The following ADAM7 variants were observed in gnomAD, a reference collection of about 807,000 sequenced individuals.
The protein encoded by ADAM7 is disintegrin and metalloproteinase domain-containing protein 7.
A neutral mutation model predicts 102.9 loss-of-function variants in ADAM7; 97 were observed. That is an observed-to-expected ratio of 0.94 (90% CI 0.80 to 1.12). The LOEUF is 1.12. Ranked by LOEUF, ADAM7 falls within the 50% of genes most tolerant of loss-of-function variation. The pLI is 0.00. For missense variants in ADAM7, 991 were observed against 908.7 expected, an observed-to-expected ratio of 1.09 and a Z score of -1.16; for synonymous variants, 334 against 304.4, an observed-to-expected ratio of 1.10 and a Z score of -1.01.
Position 24,499,420 on chromosome 8 carries a change from T to G in ADAM7, c.1923+104T>G. 5.0e-6 allele frequency: 4 copies of G among 807,308 alleles called. No homozygotes were observed. In the South Asian group the frequency reaches 1.3e-4, roughly 27 times the overall value. The allele number at this position is 807,308 out of a possible 1,614,324, so 50.0% of individuals were successfully genotyped here. Reference sequence around the variant, plus strand: ...TATGTATGTATATATGTATTTTTGCTGCTTTCTAAATCAAATATATATTTG... The same window carrying G: ...TATGTATGTATATATGTATTTTTGCGGCTTTCTAAATCAAATATATATTTG... On this transcript the variant is annotated intron_variant, in intron 17 of 21. Coordinates refer to ENST00000175238, the MANE Select transcript of ADAM7 (RefSeq NM_003817.4).
At chr8:24,499,631 A>G (rs562421262) in intron 17 of ADAM7, among the ~76,000 whole-genome samples, 7 of 152,268 alleles carry the variant, frequency 4.6e-5, no homozygotes, top group African/African-American at 1.4e-4. Flanking sequence ...ATTGCAACAT[A>G]TCTTATAGTT....
At chr8:24,486,680 T>C (rs1820155585) in intron 10 of ADAM7, among the ~76,000 whole-genome samples, 1 of 152,170 alleles carries the variant, frequency 6.6e-6, no homozygotes, top group African/African-American at 2.4e-5. Context: ...GTTGACACCT[T>C]CTTGCTGTGT....
chr8:24,505,861 C>G (rs189316828), intron 20 of ADAM7, among the ~76,000 whole-genome samples: 1 of 152,102 alleles, frequency 6.6e-6, no homozygotes, highest in Non-Finnish European at 1.5e-5. Context: ...TTCAGGCATA[C>G]AGTCAATTAG....
intron 8 of ADAM7, among the ~76,000 whole-genome samples, chr8:24,477,569 A>AGTGTGTGAGTGTGTGTGTGTGTGTGT (rs60219377): frequency 2.9e-4 from 42 of 145,676 alleles, no homozygotes; most frequent in East Asian, 6.1e-4. Flanking sequence ...TACCCTCATC[A>AGTGTGTGAGTGTGTGTGTGTGTGTGT]GTGTGTGTGT....
At position 24,463,912 on chromosome 8, in the gene ADAM7, A is replaced by G. The variant is rs1209243451; in HGVS notation, c.264A>G (p.Thr88=). 4 of 1,613,778 alleles carry G rather than the reference A, an allele frequency of 2.5e-6. No homozygotes were observed. Among genetic ancestry groups the G allele is most frequent in the Non-Finnish European group, 2.5e-6 (3 of 1,179,894 alleles). The change falls in exon 4 of 22, where the codon ACA becomes ACG. Residue 88 remains threonine, a synonymous_variant. Transcript: ENST00000175238. The part of the protein sequence containing the change: ...REFLGSNYSE[T]FYSMKGEAFT... ...TCCTAGGCTCAAATTACAGTGAAACATTCTACTCCATGAAAGGAGAAGCGT... is the reference window on the plus strand; with the variant it reads ...TCCTAGGCTCAAATTACAGTGAAACGTTCTACTCCATGAAAGGAGAAGCGT...
chr8:24,487,283 C>A lies in ADAM7; in HGVS notation c.1057C>A (p.Pro353Thr). Residue 353 changes from proline (P) to threonine (T), a missense_variant, in exon 11 of 22, where the codon CCT becomes ACT. Physicochemically the swap from Pro to Thr is conservative, Grantham distance 38. Coordinates refer to ENST00000175238, the MANE Select transcript of ADAM7 (RefSeq NM_003817.4). ...MQHDEFPCTC[P>T]SGKCVMDSDG... The stretch of plus-strand genomic sequence containing the variant: ...GCATGACGAGTTCCCATGCACCTGT[C>A]CTTCAGGAAAATGCGTGATGGACAG... The A allele has an allele frequency of 6.2e-7, 1 of 1,613,746 alleles. No homozygotes were observed. The highest frequency in any genetic ancestry group is 8.5e-7 in the Non-Finnish European group (1 of 1,179,806).
At chr8:24,455,068 C>T (rs938614167) in intron 3 of ADAM7, among the ~76,000 whole-genome samples, 20 of 151,938 alleles carry the variant, frequency 1.3e-4, no homozygotes, top group African/African-American at 4.6e-4. Context: ...TTTATATATG[C>T]TATTTCAAAA....
In ADAM7 at chr8:24,465,780, T is replaced by C. The variant is rs373413048; in HGVS notation, c.389+5T>C. On this transcript the variant is annotated splice_donor_5th_base_variant and intron_variant, in intron 5 of 21. Coordinates refer to ENST00000175238, the MANE Select transcript of ADAM7 (RefSeq NM_003817.4). Reference sequence around the variant, plus strand: ...CAGTACGTGTAATGGTCTAAGGTAATGCAGAATATCTTTCTTTTTCCTTTA... The same window carrying C: ...CAGTACGTGTAATGGTCTAAGGTAACGCAGAATATCTTTCTTTTTCCTTTA... 230 of 1,581,988 alleles carry C rather than the reference T, an allele frequency of 1.5e-4. 1 individual carries two copies. Among genetic ancestry groups the C allele is most frequent in the Non-Finnish European group, 1.2e-4 (142 of 1,163,242 alleles).
At chr8:24,482,340 C>T (rs147421261) in intron 9 of ADAM7, 29 bp downstream of exon 9, 1 of 1,571,144 alleles carries the variant, frequency 6.4e-7, no homozygotes, top group African/African-American at 1.4e-5. Flanking sequence ...TTCTTGCATA[C>T]CTTTGGTGGA....
At chr8:24,483,387 G>A (rs1820026688) in intron 9 of ADAM7, among the ~76,000 whole-genome samples, 1 of 152,140 alleles carries the variant, frequency 6.6e-6, no homozygotes, top group Non-Finnish European at 1.5e-5. Context: ...TAAAGCTACT[G>A]TATTAAAATA....
intron 8 of ADAM7, among the ~76,000 whole-genome samples, chr8:24,481,091 CAAACA>C (rs1414786177): frequency 6.6e-6 from 1 of 150,984 alleles, no homozygotes; most frequent in Non-Finnish European, 1.5e-5. Context: ...AACAAACAAA[CAAACA>C]ATTCAGGGCC....
intron 3 of ADAM7, among the ~76,000 whole-genome samples, chr8:24,455,719 C>T (rs1324835006): frequency 6.6e-6 from 1 of 152,200 alleles, no homozygotes; most frequent in African/African-American, 2.4e-5. Context: ...TATAGGTTTA[C>T]ACTGAATTTT....
chr8:24,456,792 CT>C (rs1316144794), intron 3 of ADAM7, among the ~76,000 whole-genome samples: 1 of 152,078 alleles, frequency 6.6e-6, no homozygotes, highest in Non-Finnish European at 1.5e-5. Context: ...GGTTTGCTTT[CT>C]TTATTTTCTT....
intron 8 of ADAM7, among the ~76,000 whole-genome samples, chr8:24,478,715 T>C (rs1042978118): frequency 6.6e-6 from 1 of 152,196 alleles, no homozygotes; most frequent in Admixed American, 6.5e-5. Context: ...AATTTCAACA[T>C]GTGGGTCATC....
chr8:24,453,932 C>T (rs976880292), intron 3 of ADAM7, among the ~76,000 whole-genome samples: 5 of 152,230 alleles, frequency 3.3e-5, no homozygotes, highest in Non-Finnish European at 7.3e-5. Context: ...ACCTGTTTGC[C>T]TGGGTATCCG....
chr8:24,457,333 T>G (rs921300858), intron 3 of ADAM7, among the ~76,000 whole-genome samples: 7 of 152,090 alleles, frequency 4.6e-5, no homozygotes, highest in African/African-American at 1.7e-4. Context: ...TGGAGTAGAG[T>G]GGCACGATCT....
intron 3 of ADAM7, among the ~76,000 whole-genome samples, chr8:24,455,349 C>G (rs374262511): frequency 6.6e-6 from 1 of 152,152 alleles, no homozygotes; most frequent in East Asian, 1.9e-4. Flanking sequence ...ATATTACAGA[C>G]ATCAGTTTAC....
intron 16 of ADAM7, among the ~76,000 whole-genome samples, chr8:24,495,195 T>C (rs915595164): frequency 1.3e-5 from 2 of 152,296 alleles, no homozygotes; most frequent in East Asian, 3.9e-4. Context: ...TAAGATCCTA[T>C]AGCTCATAGT....
rs577669133 is a variant in ADAM7, at chr8:24,506,036, T to C, written c.2209-1444T>C. On this transcript the variant is annotated intron_variant, in intron 20 of 21. Coordinates refer to ENST00000175238, the MANE Select transcript of ADAM7 (RefSeq NM_003817.4). ...CACAAGAATATTATGTCTGGGTCTT[T>C]CAGTATTGGTATATTTACTAGGAAT... The C allele has an allele frequency of 1.3e-4, 171 of 1,278,560 alleles. 2 individuals carry two copies. The African/African-American group carries it at 2.1e-3, about 15-fold the overall frequency. The allele number at this position is 1,278,560 out of a possible 1,614,324, so 79.2% of individuals were successfully genotyped here.
Sources: gnomAD v4.1 joint callset for allele counts (sites outside exome capture counted in the v4.1 genomes callset) on GRCh38, gnomAD v4.1.1 for gene constraint, MANE v1.5 for transcripts, NCBI Gene and HGNC (gene_info 2026-07-23, HGNC 2026-07-21) for gene names.